RBMS3: variants seen among roughly 807,000 people sequenced by gnomAD.
The protein encoded by RBMS3 is RNA-binding motif, single-stranded-interacting protein 3.
RBMS3 carries 27 observed loss-of-function variants against 66.8 expected under a neutral mutation model. The ratio of observed to expected loss-of-function variants is 0.40; its 90% CI spans 0.30 to 0.56. The LOEUF is 0.56. RBMS3 is among the 20% of genes least tolerant of loss of function. The pLI is 0.40. For synonymous variants in RBMS3, 188 were observed against 183.0 expected (o/e 1.03, Z -0.22); for missense variants, 513 against 549.5 (o/e 0.93, Z 0.66).
At chr3:29,410,669 T>C (rs958192674) in intron 1 of RBMS3, among the ~76,000 whole-genome samples, 1 of 152,170 alleles carries the variant, frequency 6.6e-6, no homozygotes, top group Non-Finnish European at 1.5e-5. Context: ...CAAAGGGTGG[T>C]GAAGGTTTTT....
At chr3:29,609,688 G>A (rs1457606854) in intron 4 of RBMS3, among the ~76,000 whole-genome samples, 1 of 152,074 alleles carries the variant, frequency 6.6e-6, no homozygotes, top group Non-Finnish European at 1.5e-5. Context: ...CATGGTAGAT[G>A]CTGAGTAAAT....
At chr3:29,888,179 A>AAAAT (rs1345060053) in intron 8 of RBMS3, among the ~76,000 whole-genome samples, 11 of 151,702 alleles carry the variant, frequency 7.3e-5, no homozygotes, top group Non-Finnish European at 1.5e-4. Flanking sequence ...AACAGTTGCA[A>AAAAT]AAATGGTTCA....
chr3:29,313,228 T>C (rs1282816450), intron 1 of RBMS3, among the ~76,000 whole-genome samples: 1 of 151,786 alleles, frequency 6.6e-6, no homozygotes, highest in Non-Finnish European at 1.5e-5. Flanking sequence ...TTGGTTTCAT[T>C]TCTTTGTTGA....
chr3:29,451,245 A>G (rs2371612), intron 2 of RBMS3, among the ~76,000 whole-genome samples: 6,276 of 152,308 alleles, frequency 0.041, 269 homozygotes, highest in East Asian at 0.25. Context: ...ACATGTTTGT[A>G]TATTAAAATT....
intron 4 of RBMS3, among the ~76,000 whole-genome samples, chr3:29,589,219 T>C (rs1278733879): frequency 6.6e-6 from 1 of 152,084 alleles, no homozygotes; most frequent in Admixed American, 6.6e-5. Flanking sequence ...TTTCTCTCTC[T>C]CTCTTACCCA....
intron 1 of RBMS3, among the ~76,000 whole-genome samples, chr3:29,315,772 A>G (rs1325710365): frequency 2.0e-5 from 3 of 151,742 alleles, no homozygotes; most frequent in Non-Finnish European, 2.9e-5. Context: ...CATGTCCATG[A>G]ATCAAATTTT....
chr3:29,486,559 C>G (rs577424890), intron 2 of RBMS3, among the ~76,000 whole-genome samples: 1 of 152,140 alleles, frequency 6.6e-6, no homozygotes, highest in South Asian at 2.1e-4. Context: ...AATTCTTTTT[C>G]TTTGTTTATA....
At chr3:29,517,314 TA>T (rs2044673187) in intron 3 of RBMS3, among the ~76,000 whole-genome samples, 1 of 137,116 alleles carries the variant, frequency 7.3e-6, no homozygotes, top group Admixed American at 7.3e-5. Flanking sequence ...TGTGTATATA[TA>T]TATATTTTTT....
intron 1 of RBMS3, among the ~76,000 whole-genome samples, chr3:29,369,263 C>T (rs2038064944): frequency 6.6e-6 from 1 of 151,930 alleles, no homozygotes; most frequent in African/African-American, 2.4e-5. Context: ...ACCCCCATGA[C>T]ACAAGTTTAC....
At chr3:29,465,037 G>A (rs984061448) in intron 2 of RBMS3, among the ~76,000 whole-genome samples, 11 of 152,128 alleles carry the variant, frequency 7.2e-5, no homozygotes, top group Admixed American at 2.0e-4. Flanking sequence ...TTTAAAATAC[G>A]TAAATGAAGA....
At chr3:29,988,337 A>G in intron 13 of RBMS3, 114 bp downstream of exon 13, 1 of 778,140 alleles carries the variant, frequency 1.3e-6, no homozygotes, top group South Asian at 1.7e-5. Context: ...CTACTCTAAA[A>G]TATGACATTG....
chr3:29,479,333 T>C (rs2043055585), intron 2 of RBMS3, among the ~76,000 whole-genome samples: 1 of 150,568 alleles, frequency 6.6e-6, no homozygotes, highest in South Asian at 2.1e-4. Flanking sequence ...ACAATGTATA[T>C]ATACATGTAA....
At chr3:29,822,568 C>T (rs1310815696) in intron 6 of RBMS3, among the ~76,000 whole-genome samples, 1 of 152,150 alleles carries the variant, frequency 6.6e-6, no homozygotes, top group Non-Finnish European at 1.5e-5. Flanking sequence ...CTCTCCAACA[C>T]TCCACTCTCT....
At chr3:29,282,507 G>A (rs1435232440) in intron 1 of RBMS3, among the ~76,000 whole-genome samples, 1 of 151,996 alleles carries the variant, frequency 6.6e-6, no homozygotes, top group African/African-American at 2.4e-5. Context: ...TGACCATTAG[G>A]GGCCCAGAGG....
chr3:29,414,644 A>C (rs1215690274), intron 1 of RBMS3, among the ~76,000 whole-genome samples: 1 of 152,188 alleles, frequency 6.6e-6, no homozygotes, highest in African/African-American at 2.4e-5. Context: ...TCAGTGCTGC[A>C]TACTTGGGAG....
intron 1 of RBMS3, among the ~76,000 whole-genome samples, chr3:29,293,717 T>C (rs957055756): frequency 6.6e-6 from 1 of 151,680 alleles, no homozygotes; most frequent in Non-Finnish European, 1.5e-5. Flanking sequence ...GCTAATATTT[T>C]TTTTTTCTTT....
chr3:29,430,940 A>G, intron 1 of RBMS3, among the ~76,000 whole-genome samples: 1 of 152,230 alleles, frequency 6.6e-6, no homozygotes, highest in East Asian at 1.9e-4. Context: ...CATCTGACCC[A>G]TTATGAGATA....
At chr3:29,879,995 G>A (rs1376552223) in intron 7 of RBMS3, among the ~76,000 whole-genome samples, 1 of 151,960 alleles carries the variant, frequency 6.6e-6, no homozygotes, top group Non-Finnish European at 1.5e-5. Context: ...TTACAGTTAA[G>A]AATATCAAAT....
At chr3:29,640,750 A>C (rs1253636950) in intron 4 of RBMS3, among the ~76,000 whole-genome samples, 1 of 151,958 alleles carries the variant, frequency 6.6e-6, no homozygotes, top group Non-Finnish European at 1.5e-5. Context: ...ACCCTATATA[A>C]AGAATAATAC....
Sources: gnomAD v4.1 joint callset for allele counts (sites outside exome capture counted in the v4.1 genomes callset) on GRCh38, gnomAD v4.1.1 for gene constraint, MANE v1.5 for transcripts, NCBI Gene and HGNC (gene_info 2026-07-23, HGNC 2026-07-21) for gene names.